Variants in COL21A1 observed in about 807,000 individuals in gnomAD.
The protein encoded by COL21A1 is collagen alpha-1(XXI) chain.
Under a neutral mutation model 137.9 loss-of-function variants are expected in COL21A1, and 149 were observed. That is an observed-to-expected ratio of 1.08 (90% confidence interval 0.95 to 1.24). The LOEUF (loss-of-function observed/expected upper bound fraction) is 1.24. Ranked by LOEUF, COL21A1 falls within the 50% of genes most tolerant of loss-of-function variation. COL21A1 has a pLI of 0.00. For synonymous variants in COL21A1, 456 were observed against 391.5 expected, an observed-to-expected ratio of 1.16 and a Z score of -1.95; for missense variants, 1,167 against 1,158.4, an observed-to-expected ratio of 1.01 and a Z score of -0.11.
At chr6:56,243,549 C>T (rs755245432) in intron 1 of COL21A1, among the ~76,000 whole-genome samples, 14 of 152,150 alleles carry the variant, frequency 9.2e-5, no homozygotes, top group Non-Finnish European at 8.8e-5. Context: ...AGAGCTTCAG[C>T]TTAAAGCATT....
chr6:56,165,028 G>A (rs898577795), intron 7 of COL21A1, among the ~76,000 whole-genome samples: 2 of 90,026 alleles, frequency 2.2e-5, no homozygotes, highest in African/African-American at 8.0e-5. Context: ...AATACAGAAA[G>A]GATATATTTT....
rs144621491 is a variant in COL21A1, at chr6:56,311,249, A to T, written c.-39+82722T>A. ...ACAATTCTTGGATTAGTGTGTAGAAACTAGTTCCAGGATATGAGTTGCTAC... is the reference window on the plus strand; with the variant it reads ...ACAATTCTTGGATTAGTGTGTAGAATCTAGTTCCAGGATATGAGTTGCTAC... On this transcript the variant is annotated intron_variant, in intron 1 of 28. Coordinates refer to the COL21A1 transcript ENST00000370819. 2.6e-5 allele frequency among the ~76,000 whole-genome samples: 4 copies of T among 152,354 alleles called. No individual in the cohort carries two copies. In the East Asian group the frequency reaches 7.7e-4, roughly 29 times the overall value.
intron 17 of COL21A1, among the ~76,000 whole-genome samples, chr6:56,093,470 G>A (rs916031954): frequency 3.3e-5 from 5 of 152,004 alleles, no homozygotes; most frequent in African/African-American, 7.2e-5. Context: ...TCCCGATTAC[G>A]ATGTTAAGAC....
chr6:56,077,605 T>A, intron 17 of COL21A1, 32 bp from the exon 18 acceptor site: 1 of 1,367,458 alleles, frequency 7.3e-7, no homozygotes, highest in Non-Finnish European at 1.0e-6. Flanking sequence ...TTTTAACTTA[T>A]AAAAAATTGA....
intron 1 of COL21A1, among the ~76,000 whole-genome samples, chr6:56,221,512 T>C (rs1419313012): frequency 6.6e-6 from 1 of 151,996 alleles, no homozygotes; most frequent in Non-Finnish European, 1.5e-5. Context: ...TACTTGAGCC[T>C]ACAAGTTTTA....
At chr6:56,150,504 C>T (rs1406257090) in intron 10 of COL21A1, among the ~76,000 whole-genome samples, 2 of 125,676 alleles carry the variant, frequency 1.6e-5, no homozygotes, top group South Asian at 2.8e-4. Flanking sequence ...GGCGACAGAG[C>T]GAGACTCCAT....
intron 12 of COL21A1, among the ~76,000 whole-genome samples, chr6:56,129,675 C>CGT (rs78820557): frequency 0.026 from 3,531 of 136,410 alleles, 75 homozygotes; most frequent in Middle Eastern, 0.063. Flanking sequence ...CACGTGCGTG[C>CGT]GTGTGTGTGT....
intron 1 of COL21A1, among the ~76,000 whole-genome samples, chr6:56,342,235 C>G (rs1423674090): frequency 6.6e-6 from 1 of 152,208 alleles, no homozygotes; most frequent in African/African-American, 2.4e-5. Context: ...AGCAGCCAAA[C>G]TTCTGGAAAA....
chr6:56,352,086 A>G (rs189547557), intron 1 of COL21A1, among the ~76,000 whole-genome samples: 4 of 152,338 alleles, frequency 2.6e-5, no homozygotes, highest in Non-Finnish European at 4.4e-5. Context: ...TGGGAAACAT[A>G]GTGAGACCTT....
At chr6:56,235,737 G>C (rs1054448108) in intron 1 of COL21A1, among the ~76,000 whole-genome samples, 4 of 151,802 alleles carry the variant, frequency 2.6e-5, no homozygotes, top group African/African-American at 9.7e-5. Context: ...TTCATAATTT[G>C]AATGAGGGAG....
intron 17 of COL21A1, 164 bp from the exon 18 acceptor site, chr6:56,077,737 T>C: frequency 3.6e-6 from 2 of 549,238 alleles, no homozygotes; most frequent in South Asian, 5.0e-5. Flanking sequence ...AAAAGACAAC[T>C]TAGGAGATAT....
intron 4 of COL21A1, 29 bp from the exon 5 acceptor site, chr6:56,170,894 A>G (rs1582548135): frequency 1.9e-6 from 3 of 1,601,136 alleles, no homozygotes; most frequent in South Asian, 1.1e-5. Flanking sequence ...GTGTAAGCTT[A>G]AAGAATTCTT....
At chr6:56,130,960 G>A (rs189754058) in intron 12 of COL21A1, among the ~76,000 whole-genome samples, 137 of 152,258 alleles carry the variant, frequency 9.0e-4, no homozygotes, top group African/African-American at 3.2e-3. Flanking sequence ...ATCCAGGATG[G>A]GCATGTAACA....
chr6:56,343,573 A>T (rs1031013353), intron 1 of COL21A1, among the ~76,000 whole-genome samples: 3 of 152,120 alleles, frequency 2.0e-5, no homozygotes, highest in African/African-American at 7.2e-5. Context: ...ATTTGCTGGG[A>T]TAGAGCTAGA....
At chr6:56,247,710 G>T (rs1374665532), upstream of COL21A1, 5 of 152,244 alleles carry the variant, frequency 3.3e-5, no homozygotes, top group Non-Finnish European at 7.3e-5. Flanking sequence ...CGCCCTGGTG[G>T]AAACACTCAG....
intron 1 of COL21A1, among the ~76,000 whole-genome samples, chr6:56,317,364 A>G (rs1037438523): frequency 2.0e-5 from 3 of 152,106 alleles, no homozygotes; most frequent in Non-Finnish European, 4.4e-5. Context: ...TCTCAATAAC[A>G]CTGTGGCTCT....
intron 16 of COL21A1, among the ~76,000 whole-genome samples, chr6:56,120,158 A>T (rs903511805): frequency 2.0e-5 from 3 of 152,218 alleles, no homozygotes; most frequent in Admixed American, 2.0e-4. Flanking sequence ...ATCTGACAAG[A>T]GATTAGTAAC....
chr6:56,328,683 T>C lies in COL21A1; in HGVS notation c.-39+65288A>G, dbSNP rs140019838. Among the ~76,000 whole-genome samples, 619 of 151,794 alleles carry C rather than the reference T, an allele frequency of 4.1e-3. 3 individuals carry two copies. The highest frequency in any genetic ancestry group is 0.011 in the African/African-American group (454 of 41,496). On this transcript the variant is annotated intron_variant, in intron 1 of 28. Transcript: ENST00000370819. ...GATGAAAGCTATACATTCACAAACA[T>C]ATCCAAAACAAAAAGGAGTTACTTT...
chr6:56,323,083 T>G (rs1240027411), intron 1 of COL21A1, among the ~76,000 whole-genome samples: 2 of 152,036 alleles, frequency 1.3e-5, no homozygotes, highest in Non-Finnish European at 2.9e-5. Flanking sequence ...TGTACACTAT[T>G]TGCGTGATAG....
Sources: allele counts gnomAD v4.1 joint callset (sites outside exome capture counted in the v4.1 genomes callset), GRCh38; gene constraint gnomAD v4.1.1; transcripts MANE v1.5; gene names NCBI Gene and HGNC (gene_info 2026-07-23, HGNC 2026-07-21).